Variants in CEP290 observed in about 807,000 individuals in gnomAD.
The protein encoded by CEP290 is centrosomal protein of 290 kDa.
A neutral mutation model predicts 344.9 loss-of-function variants in CEP290; 317 were observed. The observed-to-expected ratio is 0.92, with a 90% CI of 0.84 to 1.01. The LOEUF (loss-of-function observed/expected upper bound fraction) is 1.01. Among genes scored for constraint, CEP290 ranks in the 50% least tolerant of loss-of-function variants. The pLI is 0.00. For missense variants in CEP290, 2,754 were observed against 2,761.4 expected, an observed-to-expected ratio of 1.00 and a Z score of 0.06; for synonymous variants, 932 against 895.8, an observed-to-expected ratio of 1.04 and a Z score of -0.72.
intron 18 of CEP290, 120 bp downstream of exon 18, chr12:88,116,913 G>C: frequency 2.0e-6 from 1 of 508,544 alleles, no homozygotes; most frequent in Non-Finnish European, 3.5e-6. Flanking sequence ...GGCGGAGCTT[G>C]CAGTGAGCCG....
In CEP290 at chr12:88,125,480, G is replaced by A. The variant is rs141158869; in HGVS notation, c.1066-111C>T. The A allele has an allele frequency of 1.2e-3, 551 of 441,270 alleles. 2 individuals are homozygous for A. Among genetic ancestry groups the A allele is most frequent in the African/African-American group, 0.011 (513 of 48,710 alleles). 27.3% of individuals were successfully genotyped at this position (441,270 alleles called of 1,614,324 possible). A position where few individuals can be genotyped will look rare whatever the true frequency, so the allele number is the denominator to read the frequency against. The stretch of plus-strand genomic sequence containing the variant: ...ACAAGACTGTAGAACATATTTTCTT[G>A]TGGGTACAAGTATGCCTTTTACCAT... On this transcript the variant is annotated intron_variant, in intron 12 of 53. Transcript: ENST00000552810.
chr12:88,060,862 C>T lies in CEP290; in HGVS notation c.6490G>A (p.Ala2164Thr). 6.5e-7 allele frequency: 1 copy of T among 1,538,720 alleles called. No homozygotes were observed. The highest frequency in any genetic ancestry group is 1.3e-5 in the South Asian group (1 of 79,146). Residue 2164 changes from alanine to threonine, a missense_variant, in exon 47 of 54, where the codon GCT becomes ACT. Transcript: ENST00000552810. The stretch of plus-strand genomic sequence containing the variant: ...TTTTCATTTTCCTGCTCAATATTAG[C>T]CATTTTTTCACTAGTCAATATTCCT... ...ASGILTSEKM[A>T]NIEQENEKLK... is the part of the protein sequence containing the mutation.
chr12:88,101,658 CAAAA>C (rs11297432), intron 26 of CEP290, among the ~76,000 whole-genome samples: 1 of 111,036 alleles, frequency 9.0e-6, no homozygotes. Flanking sequence ...AACTCCATCT[CAAAA>C]AAAAAAAAAA....
At chr12:88,130,461 CA>C in intron 8 of CEP290, 41 bp from the exon 9 acceptor site, 3 of 1,596,600 alleles carry the variant, frequency 1.9e-6, no homozygotes, top group Non-Finnish European at 2.6e-6. Context: ...CAAAACTATT[CA>C]GAATAACAAA....
At chr12:88,055,890 T>C (rs894056780) in intron 49 of CEP290, among the ~76,000 whole-genome samples, 173 bp from the exon 50 acceptor site, 4 of 152,172 alleles carry the variant, frequency 2.6e-5, no homozygotes, top group African/African-American at 7.2e-5. Context: ...TGGCAAGAGA[T>C]AAGGTATCCC....
rs754186083 is a variant in CEP290, at chr12:88,128,905, TA to T, written c.942+40del. 2.4e-6 allele frequency: 3 copies of T among 1,247,992 alleles called. No individual in the cohort carries two copies. The African/African-American group carries it at 4.8e-5, about 20-fold the overall frequency. The allele number at this position is 1,247,992 out of a possible 1,614,324, so 77.3% of individuals were successfully genotyped here. On this transcript the variant is annotated intron_variant, in intron 11 of 53. Transcript: ENST00000552810. ...ATAAGACTAAAATTTAAATCTAAAATACAAAAAGAAAAAGTTATTATGTCAA... is the reference window on the plus strand; with the variant it reads ...ATAAGACTAAAATTTAAATCTAAAATCAAAAAGAAAAAGTTATTATGTCAA...
intron 13 of CEP290, among the ~76,000 whole-genome samples, chr12:88,121,833 T>C (rs997496710): frequency 6.6e-6 from 1 of 152,080 alleles, no homozygotes; most frequent in Non-Finnish European, 1.5e-5. Context: ...ACTTTGTCTA[T>C]ATTATAGAGA....
chr12:88,086,204 G>C, intron 33 of CEP290, 31 bp from the exon 34 acceptor site: 1 of 1,599,030 alleles, frequency 6.3e-7, no homozygotes, highest in Non-Finnish European at 8.5e-7. Flanking sequence ...TTTTAAAAAA[G>C]CAGTTGCAGC....
Position 88,061,008 on chromosome 12 carries a change from T to C in CEP290, c.6358-14A>G, listed in dbSNP as rs1226870274. 2.0e-6 allele frequency: 3 copies of C among 1,518,714 alleles called. No homozygotes were observed. Among genetic ancestry groups the C allele is most frequent in the Admixed American group, 4.6e-5 (2 of 43,404 alleles). The allele number at this position is 1,518,714 out of a possible 1,614,324, so 94.1% of individuals were successfully genotyped here. ...ACTTCTACCAGACTACGAAAGAATATGTTAAATCTTTAATCAAATATTTTA... is the reference window on the plus strand; with the variant it reads ...ACTTCTACCAGACTACGAAAGAATACGTTAAATCTTTAATCAAATATTTTA... On this transcript the variant is annotated splice_polypyrimidine_tract_variant and intron_variant, in intron 46 of 53. Coordinates refer to ENST00000552810, the MANE Select transcript of CEP290 (RefSeq NM_025114.4).
At position 88,130,221 on chromosome 12, in the gene CEP290, A is replaced by G. The variant is rs191333405; in HGVS notation, c.669+47T>C. 9.9e-6 allele frequency: 15 copies of G among 1,516,820 alleles called. No individual in the cohort carries two copies. The East Asian group carries it at 2.6e-4, about 26-fold the overall frequency. The allele number at this position is 1,516,820 out of a possible 1,614,324, so 94.0% of individuals were successfully genotyped here. A position where few individuals can be genotyped will look rare whatever the true frequency, so the allele number is the denominator to read the frequency against. ...ATTATATTTACATTGTAATGAAATT[A>G]AAGTTTTTAGGAACCATTGCTCTGA... On this transcript the variant is annotated intron_variant, in intron 9 of 53. Coordinates refer to ENST00000552810, the MANE Select transcript of CEP290 (RefSeq NM_025114.4).
chr12:88,070,384 CAGAG>C (rs1313947443), intron 43 of CEP290, among the ~76,000 whole-genome samples: 1 of 152,168 alleles, frequency 6.6e-6, no homozygotes, highest in Admixed American at 6.5e-5. Context: ...TCTGCACTGA[CAGAG>C]AGAGCTCCAG....
In CEP290 at chr12:88,059,696, C is replaced by T. The variant is rs1002082086; in HGVS notation, c.6645+202G>A. Among the ~76,000 whole-genome samples, 9 of 152,256 alleles carry T rather than the reference C, an allele frequency of 5.9e-5. No homozygotes were observed. In the South Asian group the frequency reaches 1.4e-3, roughly 25 times the overall value. ...TGCTGGGATTACAGGCGTGAGCCAC[C>T]GTGCCCAGCCTAAATGTATTAACTT... On this transcript the variant is annotated intron_variant, in intron 48 of 53. Transcript: ENST00000552810.
At chr12:88,109,245 A>C (rs2038506988) in intron 22 of CEP290, 64 bp from the exon 23 acceptor site, 1 of 610,196 alleles carries the variant, frequency 1.6e-6, no homozygotes. Context: ...CTGAATTTGA[A>C]AGTATAAATT....
At position 88,120,331 on chromosome 12, in the gene CEP290, A is replaced by C. The variant is rs144108515; in HGVS notation, c.1360-55T>G. On this transcript the variant is annotated intron_variant, in intron 14 of 53. Coordinates refer to ENST00000552810, the MANE Select transcript of CEP290 (RefSeq NM_025114.4). ...TAACATGGTTTACTTGAATAAATTTATCAAGTTCATGATTTTTTTTTTACT... is the reference window on the plus strand; with the variant it reads ...TAACATGGTTTACTTGAATAAATTTCTCAAGTTCATGATTTTTTTTTTACT... 634 of 923,050 alleles carry C rather than the reference A, an allele frequency of 6.9e-4. 1 individual carries two copies. The highest frequency in any genetic ancestry group is 1.5e-3 in the Middle Eastern group (4 of 2,720). 57.2% of individuals were successfully genotyped at this position (923,050 alleles called of 1,614,324 possible).
Position 88,107,101 on chromosome 12 carries a change from A to AAAAAC in CEP290, c.2484-8_2484-4dup, listed in dbSNP as rs745522483. On this transcript the variant is annotated splice_region_variant and splice_polypyrimidine_tract_variant and intron_variant, in intron 23 of 53. Coordinates refer to ENST00000552810, the MANE Select transcript of CEP290 (RefSeq NM_025114.4). ...CTGTTTTCCAGGTCTCCTTTTCACT[A>AAAAAC]AAAACAAAACAAAACAAAAAGACAA... 1.1e-3 allele frequency: 1,583 copies of AAAAAC among 1,497,774 alleles called. 8 individuals carry two copies. Among genetic ancestry groups the AAAAAC allele is most frequent in the Non-Finnish European group, 1.3e-3 (1,476 of 1,115,152 alleles). 92.8% of individuals were successfully genotyped at this position (1,497,774 alleles called of 1,614,324 possible).
chr12:88,141,703 T>A (rs888198875), intron 1 of CEP290, among the ~76,000 whole-genome samples, 197 bp downstream of exon 1: 4 of 151,780 alleles, frequency 2.6e-5, no homozygotes. Context: ...AGAAACAGAA[T>A]TGGGGCTGAA....
rs2033762979 is a variant in CEP290, at chr12:88,053,726, T to A, written c.7055A>T (p.Asp2352Val). ...ATGGATTAATTCTGCTTTCTCTTTA[T>A]CCAGCTGATGATTAGCTAATCTAGA... is the stretch of plus-strand genomic sequence containing the variant. ...QVLRLANHQLDKEKAELIHQI... is the reference protein window; with the variant it reads ...QVLRLANHQLVKEKAELIHQI... The change falls in exon 52 of 54, where the codon GAT becomes GTT. Residue 2352 changes from aspartate to valine, a missense_variant. Asp to Val is a radical substitution (Grantham distance 152). Coordinates refer to ENST00000552810, the MANE Select transcript of CEP290 (RefSeq NM_025114.4). 3.3e-6 allele frequency: 5 copies of A among 1,537,956 alleles called. No individual in the cohort carries two copies. The South Asian group carries it at 6.3e-5, about 19-fold the overall frequency.
intron 15 of CEP290, 78 bp from the exon 16 acceptor site, chr12:88,118,821 C>G: frequency 1.1e-6 from 1 of 943,500 alleles, no homozygotes; most frequent in Non-Finnish European, 1.6e-6. Context: ...CATCAAGCAA[C>G]TGGTTATAAT....
chr12:88,111,318 G>A lies in CEP290; in HGVS notation c.2251C>T (p.Arg751Ter), dbSNP rs753884599. ...ACAACATTTGATCCTTCTGATTGTC[G>A]TAAAAGACTAGTTTCTTTTTCAAGA... ...DHLEKETSLL[R>*]QSEGSNVVFK... Residue 751 changes from arginine to a stop codon, truncating the protein, a stop_gained, in exon 22 of 54, where the codon CGA becomes TGA. Coordinates refer to ENST00000552810, the MANE Select transcript of CEP290 (RefSeq NM_025114.4). LOFTEE classifies it high-confidence loss of function. 3.2e-6 allele frequency: 5 copies of A among 1,561,412 alleles called. No homozygotes were observed. The highest frequency in any genetic ancestry group is 3.5e-6 in the Non-Finnish European group (4 of 1,153,714).
Sources: gnomAD v4.1 joint callset for allele counts (sites outside exome capture counted in the v4.1 genomes callset) on GRCh38, gnomAD v4.1.1 for gene constraint, MANE v1.5 for transcripts, NCBI Gene and HGNC (gene_info 2026-07-23, HGNC 2026-07-21) for gene names.